Variants in PLEKHG5 observed in about 807,000 individuals in gnomAD.
PLEKHG5 encodes pleckstrin homology and RhoGEF domain containing G5.
Under a neutral mutation model 103.8 loss-of-function variants are expected in PLEKHG5, and 52 were observed. The ratio of observed to expected loss-of-function variants is 0.50; its 90% CI spans 0.40 to 0.63. The LOEUF is 0.63. PLEKHG5 is among the 30% of genes least tolerant of loss of function. PLEKHG5 has a pLI of 0.00. For synonymous variants in PLEKHG5, 592 were observed against 575.5 expected (o/e 1.03, Z -0.41); for missense variants, 1,205 against 1,347.6 (o/e 0.89, Z 1.66).
intron 1 of PLEKHG5, among the ~76,000 whole-genome samples, chr1:6,483,777 GC>G (rs1197617807): frequency 1.3e-5 from 2 of 152,258 alleles, no homozygotes; most frequent in Non-Finnish European, 2.9e-5. Context: ...AGGCTTTGCA[GC>G]TTCTGGGAGC....
In PLEKHG5 at chr1:6,491,222, T is replaced by A. The variant is rs1645146184; in HGVS notation, c.-88+415A>T. Among the ~76,000 whole-genome samples, 1 of 151,894 alleles carries A rather than the reference T, an allele frequency of 6.6e-6. No homozygotes were observed. The highest frequency in any genetic ancestry group is 2.1e-4 in the South Asian group (1 of 4,820). ...TCTGGGCTCAGGACTGGGAAGGGTG[T>A]GGATACAGGGGGCCCACTCGAGGAG... On this transcript the variant is annotated intron_variant, in intron 1 of 20. Coordinates refer to ENST00000377728, the MANE Select transcript of PLEKHG5 (RefSeq NM_020631.6). This position sits in a 1 kb window ranked among gnomAD's most constrained non-coding sequence, Gnocchi z 4.1.
Position 6,490,660 on chromosome 1 carries a change from C to T in PLEKHG5, c.-88+977G>A. Reference sequence around the variant, plus strand: ...CGGCCGGGATGTACCAACGGCGCCGCCCGGCTGGGACCGGGGAGAGGAGGG... The same window carrying T: ...CGGCCGGGATGTACCAACGGCGCCGTCCGGCTGGGACCGGGGAGAGGAGGG... On this transcript the variant is annotated intron_variant, in intron 1 of 20. Coordinates refer to ENST00000377728, the MANE Select transcript of PLEKHG5 (RefSeq NM_020631.6). This position sits in a 1 kb window ranked among gnomAD's most constrained non-coding sequence, Gnocchi z 8.0. 2 of 956,374 alleles carry T rather than the reference C, an allele frequency of 2.1e-6. No homozygotes were observed. Among genetic ancestry groups the T allele is most frequent in the Non-Finnish European group, 1.2e-6 (1 of 803,666 alleles). The allele number at this position is 956,374 out of a possible 1,614,324, so 59.2% of individuals were successfully genotyped here. A position where few individuals can be genotyped will look rare whatever the true frequency, so the allele number is the denominator to read the frequency against.
chr1:6,469,294 C>T (rs1644495897), intron 18 of PLEKHG5, 41 bp downstream of exon 18: 2 of 1,613,106 alleles, frequency 1.2e-6, no homozygotes, highest in Middle Eastern at 1.6e-4. Flanking sequence ...CCAGCATCTC[C>T]CTAATCTGCC....
In PLEKHG5 at chr1:6,490,202, A is replaced by G. The variant is rs951601891; in HGVS notation, c.-88+1435T>C. 6.6e-6 allele frequency among the ~76,000 whole-genome samples: 1 copy of G among 152,046 alleles called. No homozygotes were observed. The highest frequency in any genetic ancestry group is 1.5e-5 in the Non-Finnish European group (1 of 67,980). Reference sequence around the variant, plus strand: ...CCCCATACCGGGGCCAGGGTCCCATAGACTCCTCACGGCCCTATCTCCGAG... The same window carrying G: ...CCCCATACCGGGGCCAGGGTCCCATGGACTCCTCACGGCCCTATCTCCGAG... On this transcript the variant is annotated intron_variant, in intron 1 of 20. Transcript: ENST00000377728. This position sits in a 1 kb window ranked among gnomAD's most constrained non-coding sequence, Gnocchi z 8.0.
At chr1:6,474,819 C>T (rs995149564) in intron 5 of PLEKHG5, 31 of 656,880 alleles carry the variant, frequency 4.7e-5, no homozygotes, top group African/African-American at 1.4e-4. Flanking sequence ...CCTGCCCACA[C>T]GCAGGCCTGG....
chr1:6,496,819 TCTCTCCCTCTGTCC>T (rs1645232095), upstream of PLEKHG5: 1 of 569,534 alleles, frequency 1.8e-6, no homozygotes, highest in African/African-American at 2.0e-5. Context: ...AATACGCTGC[TCTCTCCCTCTGTCC>T]CTCTAGTCTG....
At chr1:6,477,287 G>C (rs909962928) in intron 2 of PLEKHG5, among the ~76,000 whole-genome samples, 7 of 152,246 alleles carry the variant, frequency 4.6e-5, no homozygotes, top group African/African-American at 1.4e-4. Context: ...AAAGCAGCTG[G>C]GGGAGGTGAG....
upstream of PLEKHG5, among the ~76,000 whole-genome samples, chr1:6,494,408 G>A (rs533941186): frequency 2.0e-5 from 3 of 152,150 alleles, no homozygotes; most frequent in South Asian, 4.2e-4. Flanking sequence ...TGGGGTTACA[G>A]GTGTGAGCCA....
chr1:6,472,444 T>G, intron 10 of PLEKHG5, 83 bp downstream of exon 10: 1 of 1,008,680 alleles, frequency 9.9e-7, no homozygotes, highest in Non-Finnish European at 1.5e-6. Flanking sequence ...ACCTGCTCCT[T>G]CTGCAAAGGC....
intron 7 of PLEKHG5, 37 bp downstream of exon 7, chr1:6,473,976 T>TGCCCCCCCCCCCC: frequency 7.9e-7 from 1 of 1,265,554 alleles, no homozygotes; most frequent in Non-Finnish European, 1.1e-6. Flanking sequence ...CTGGGCCCCT[T>TGCCCCCCCCCCCC]CCCACCCCCT....
intron 1 of PLEKHG5, among the ~76,000 whole-genome samples, chr1:6,507,492 C>T (rs544225588): frequency 1.2e-3 from 183 of 152,312 alleles, no homozygotes; most frequent in African/African-American, 4.1e-3. Context: ...CCACCTGTGC[C>T]CCCCCAGCCT....
chr1:6,481,045 C>G (rs1173185581), intron 1 of PLEKHG5, among the ~76,000 whole-genome samples: 1 of 152,160 alleles, frequency 6.6e-6, no homozygotes, highest in Non-Finnish European at 1.5e-5. Context: ...CTCAACCCAG[C>G]CACAGCTCAT....
rs61743372 is a variant in PLEKHG5 at position 6,472,540 on chromosome 1, C to G, written c.1067G>C (p.Arg356Pro). The G allele has an allele frequency of 6.2e-7, 1 of 1,612,244 alleles. No homozygotes were observed. The highest frequency in any genetic ancestry group is 1.3e-5 in the African/African-American group (1 of 74,896). ...GCCCCTACTCACGTTGATGATCACC[C>G]GCAGTTTCCTGATGTAGGAGGCCTC... ...HTEASYIRKL[R>P]VIINLFLCCL... Residue 356 changes from arginine to proline, a missense_variant, in exon 10 of 21, where the codon CGG (arginine) becomes CCG (proline). Transcript: ENST00000377728.
At position 6,470,859 on chromosome 1, in the gene PLEKHG5, T is replaced by C. The variant is rs1450418109; in HGVS notation, c.1418A>G (p.Gln473Arg). 1 of 1,574,432 alleles carries C rather than the reference T, an allele frequency of 6.4e-7. No individual in the cohort carries two copies. Among genetic ancestry groups the C allele is most frequent in the Non-Finnish European group, 8.6e-7 (1 of 1,159,842 alleles). The stretch of plus-strand genomic sequence containing the variant: ...CAGCATGTCGCTCAGCTTCAGCCTC[T>C]GGCACTGTGGGTGCTTCTCCGCCCA... The part of the protein sequence containing the change: ...ITWAEKHPQC[Q>R]RLKLSDMLAK... Residue 473 changes from glutamine to arginine, a missense_variant, in exon 14 of 21, where the codon CAG becomes CGG. Gln to Arg is a conservative substitution (Grantham distance 43, BLOSUM62 1). Coordinates refer to ENST00000377728, the MANE Select transcript of PLEKHG5 (RefSeq NM_020631.6).
Position 6,489,182 on chromosome 1 carries a change from C to T in PLEKHG5, c.-88+2455G>A, listed in dbSNP as rs140569286. Reference sequence around the variant, plus strand: ...AAGCTCCCCTGGGAGCCTGCTAGTCCCAAGGCCCCACCCAACACCTTAGAA... The same window carrying T: ...AAGCTCCCCTGGGAGCCTGCTAGTCTCAAGGCCCCACCCAACACCTTAGAA... On this transcript the variant is annotated intron_variant, in intron 1 of 20. Coordinates refer to ENST00000377728, the MANE Select transcript of PLEKHG5 (RefSeq NM_020631.6). 4.3e-3 allele frequency among the ~76,000 whole-genome samples: 657 copies of T among 152,294 alleles called. 4 individuals carry two copies. The highest frequency in any genetic ancestry group is 0.015 in the African/African-American group (632 of 41,562).
intron 12 of PLEKHG5, 24 bp from the exon 13 acceptor site, chr1:6,471,124 G>A (rs780565536): frequency 1.9e-6 from 3 of 1,546,104 alleles, no homozygotes; most frequent in Admixed American, 1.9e-5. Context: ...GAACAACCAC[G>A]GCGCCGGTTA....
chr1:6,488,596 G>T (rs1366981791), intron 1 of PLEKHG5, among the ~76,000 whole-genome samples: 1 of 152,202 alleles, frequency 6.6e-6, no homozygotes, highest in African/African-American at 2.4e-5. Context: ...ACTCAGCAAG[G>T]GTGGGGGACT....
At chr1:6,506,839 G>A (rs762510207) in intron 1 of PLEKHG5, among the ~76,000 whole-genome samples, 6 of 152,144 alleles carry the variant, frequency 3.9e-5, no homozygotes, top group Non-Finnish European at 8.8e-5. Context: ...GCTCCCTTTC[G>A]GGGCTGGCCA....
At chr1:6,471,298 A>G in intron 12 of PLEKHG5, 190 bp downstream of exon 12, 1 of 771,500 alleles carries the variant, frequency 1.3e-6, no homozygotes. Flanking sequence ...GATCAGGGGT[A>G]GATGGTCAGG....
Sources: gnomAD v4.1 joint callset for allele counts (sites outside exome capture counted in the v4.1 genomes callset) on GRCh38, gnomAD v4.1.1 for gene constraint, Gnocchi (gnomAD v3.1) non-coding constraint, MANE v1.5 for transcripts, NCBI Gene and HGNC (gene_info 2026-07-23, HGNC 2026-07-21) for gene names.